Variants in DMD observed in about 807,000 individuals in gnomAD.
DMD encodes the protein dystrophin, also known as mutant dystrophin.
DMD carries 63 observed loss-of-function variants against 330.1 expected under a neutral mutation model. The ratio of observed to expected loss-of-function variants is 0.19; its 90% confidence interval spans 0.16 to 0.24. The LOEUF is 0.24. Ranked by LOEUF, DMD falls within the 10% of genes least tolerant of loss-of-function variation. DMD has a pLI of 1.00. For missense variants in DMD, 3,344 were observed against 2,684.1 expected (o/e 1.25, Z -5.43); for synonymous variants, 1,223 against 959.8 (o/e 1.27, Z -5.07).
At position 32,038,599 on chromosome X, in the gene DMD, C is replaced by T. The variant is rs769527415; in HGVS notation, c.6439-70085G>A. ...TGTTGGTCAGACTAAGCAATCTGAA[C>T]TATTTGGAAAGCAAACAAGGTAACC... On this transcript the variant is annotated intron_variant, in intron 44 of 78. Transcript: ENST00000357033. Among the ~76,000 whole-genome samples the T allele has an allele frequency of 1.4e-4, 15 of 110,212 alleles. No homozygotes were observed. In the South Asian group the frequency reaches 5.8e-3, roughly 43 times the overall value.
chrX:32,480,299 A>G (rs2148542124), intron 21 of DMD, among the ~76,000 whole-genome samples: 1 of 111,722 alleles, frequency 9.0e-6, no homozygotes, highest in African/African-American at 3.2e-5. Context: ...ACACTTACAC[A>G]TTGTTGGTGG....
intron 63 of DMD, among the ~76,000 whole-genome samples, chrX:31,227,667 T>C (rs577582052): frequency 4.5e-5 from 5 of 111,146 alleles, no homozygotes; most frequent in South Asian, 7.8e-4. Flanking sequence ...GGGGATGGCA[T>C]TGAATCTGTA....
At chrX:31,187,677 A>G (rs906645801) in intron 67 of DMD, among the ~76,000 whole-genome samples, 1 of 106,313 alleles carries the variant, frequency 9.4e-6, no homozygotes, top group South Asian at 4.5e-4. Context: ...GTCATCAGTA[A>G]AGCAACATGT....
intron 1 of DMD, among the ~76,000 whole-genome samples, chrX:33,263,565 T>G (rs1234179301): frequency 1.8e-5 from 2 of 109,344 alleles, no homozygotes; most frequent in Admixed American, 9.9e-5. Context: ...GTAGTGCTAT[T>G]TAGATTTCCA....
chrX:31,443,473 C>T (rs1485422123), intron 60 of DMD, among the ~76,000 whole-genome samples: 2 of 111,233 alleles, frequency 1.8e-5, no homozygotes, highest in Non-Finnish European at 1.9e-5. Context: ...TGTTCGCTCC[C>T]GAGCACTTTC....
intron 55 of DMD, among the ~76,000 whole-genome samples, chrX:31,558,177 C>T (rs774142360): frequency 8.9e-6 from 1 of 112,020 alleles, no homozygotes; most frequent in East Asian, 2.8e-4. Flanking sequence ...GAATAATACA[C>T]ATTATATGGA....
At chrX:32,054,086 T>TGAGAGAGA (rs1198596173) in intron 44 of DMD, among the ~76,000 whole-genome samples, 5 of 79,017 alleles carry the variant, frequency 6.3e-5, no homozygotes, top group African/African-American at 1.6e-4. Context: ...TGTGTGTGTG[T>TGAGAGAGA]GTGAGAGAGA....
intron 78 of DMD, among the ~76,000 whole-genome samples, chrX:31,123,632 A>G (rs981636924): frequency 8.9e-6 from 1 of 112,145 alleles, no homozygotes; most frequent in African/African-American, 3.2e-5. Flanking sequence ...TCATGCATAA[A>G]TTGAAGATAG....
chrX:33,239,759 C>G (rs191837384), intron 1 of DMD, among the ~76,000 whole-genome samples: 151 of 111,789 alleles, frequency 1.4e-3, no homozygotes, highest in African/African-American at 4.6e-3. Flanking sequence ...AACATCCACT[C>G]TCTTAGTATT....
intron 62 of DMD, among the ~76,000 whole-genome samples, chrX:31,283,923 A>G (rs752792854): frequency 1.1e-4 from 12 of 111,870 alleles, no homozygotes; most frequent in Non-Finnish European, 1.9e-4. Flanking sequence ...GATGCTCTTC[A>G]ACTTACAATG....
intron 7 of DMD, among the ~76,000 whole-genome samples, chrX:32,717,319 T>C (rs1477226482): frequency 9.0e-6 from 1 of 111,171 alleles, no homozygotes; most frequent in Non-Finnish European, 1.9e-5. Flanking sequence ...CTGCTCCCTA[T>C]GTCCCAGACA....
chrX:31,253,375 CAGTTTAGTTCACAAAATATGCTGAGAAA>C (rs1344721944), intron 63 of DMD, among the ~76,000 whole-genome samples: 1 of 111,741 alleles, frequency 8.9e-6, no homozygotes, highest in African/African-American at 3.3e-5. Flanking sequence ...TAGTGGAGAA[CAGTTTAGTTCACAAAATATGCTGAGAAA>C]AGCATTAGGA....
At chrX:33,324,034 T>C (rs2054052904) in intron 1 of DMD, among the ~76,000 whole-genome samples, 1 of 111,455 alleles carries the variant, frequency 9.0e-6, no homozygotes, top group African/African-American at 3.3e-5. Flanking sequence ...GCCCTCATTA[T>C]TTCCTCAAAT....
intron 22 of DMD, among the ~76,000 whole-genome samples, chrX:32,470,997 C>G (rs1357347502): frequency 1.8e-5 from 2 of 111,660 alleles, no homozygotes; most frequent in Non-Finnish European, 3.8e-5. Context: ...AGGAAAAGGG[C>G]TGGGCGCAGT....
At chrX:32,968,873 C>A (rs905297995) in intron 2 of DMD, among the ~76,000 whole-genome samples, 1 of 106,493 alleles carries the variant, frequency 9.4e-6, no homozygotes, top group East Asian at 3.0e-4. Context: ...ACTAAAAATA[C>A]AAAAAATTAG....
intron 61 of DMD, among the ~76,000 whole-genome samples, chrX:31,341,889 G>GCACACACACACA (rs1239381351): frequency 1.5e-4 from 10 of 65,088 alleles, no homozygotes; most frequent in African/African-American, 6.2e-4. Context: ...GCGTGCGCGC[G>GCACACACACACA]CGCACACACA....
intron 1 of DMD, among the ~76,000 whole-genome samples, chrX:33,161,580 T>C (rs1157579976): frequency 9.0e-6 from 1 of 111,124 alleles, no homozygotes; most frequent in Non-Finnish European, 1.9e-5. Context: ...CGAGCCCACC[T>C]TTTGCTGTTT....
At chrX:31,571,392 A>C (rs771572734) in intron 55 of DMD, among the ~76,000 whole-genome samples, 1 of 94,350 alleles carries the variant, frequency 1.1e-5, no homozygotes, top group Non-Finnish European at 2.1e-5. Context: ...GATGCCTCAA[A>C]TTTAGCATGT....
At chrX:32,056,662 A>G (rs2096178148) in intron 44 of DMD, among the ~76,000 whole-genome samples, 1 of 110,999 alleles carries the variant, frequency 9.0e-6, no homozygotes, top group Admixed American at 9.6e-5. Context: ...GCCCAGGACC[A>G]AATGTCATCA....
Sources: gnomAD v4.1 joint callset for allele counts (sites outside exome capture counted in the v4.1 genomes callset) on GRCh38, gnomAD v4.1.1 for gene constraint, MANE v1.5 for transcripts, NCBI Gene and HGNC (gene_info 2026-07-23, HGNC 2026-07-21) for gene names.